The following MYF5 variants were observed in gnomAD, a reference collection of about 807,000 sequenced individuals.
The protein encoded by MYF5 is myogenic factor 5.
In MYF5, 20 loss-of-function variants were observed where a neutral mutation model predicts 22.3. That is an observed-to-expected ratio of 0.90 (90% CI 0.63 to 1.30). The LOEUF is 1.30. Among genes scored for constraint, MYF5 ranks in the 50% most tolerant of loss-of-function variants. MYF5 has a pLI of 0.00. For missense variants in MYF5, 348 were observed against 325.9 expected, an observed-to-expected ratio of 1.07 and a Z score of -0.52; for synonymous variants, 141 against 128.4, an observed-to-expected ratio of 1.10 and a Z score of -0.66.
Position 80,716,953 on chromosome 12 carries a change from G to A in MYF5, c.-111G>A. On this transcript the variant is annotated 5_prime_UTR_variant, in exon 1 of 3. Coordinates refer to ENST00000228644, the MANE Select transcript of MYF5 (RefSeq NM_005593.3). ...GTCTGCCCTTGTTAATTACCGGAGC[G>A]ACAGACTAGGGAGCTCCGCCCGGGA... The A allele has an allele frequency of 6.7e-6, 9 of 1,345,858 alleles. No individual in the cohort carries two copies. The highest frequency in any genetic ancestry group is 1.4e-5 in the South Asian group (1 of 70,324). The allele number at this position is 1,345,858 out of a possible 1,614,324, so 83.4% of individuals were successfully genotyped here. A position where few individuals can be genotyped will look rare whatever the true frequency, so the allele number is the denominator to read the frequency against.
Position 80,717,241 on chromosome 12 carries a change from G to A in MYF5, c.178G>A (p.Gly60Ser), listed in dbSNP as rs749526764. 1 of 1,614,060 alleles carries A rather than the reference G, an allele frequency of 6.2e-7. No homozygotes were observed. Among genetic ancestry groups the A allele is most frequent in the Non-Finnish European group, 8.5e-7 (1 of 1,180,008 alleles). Residue 60 changes from glycine to serine, a missense_variant, in exon 1 of 3, where the codon GGC becomes AGC. Coordinates refer to ENST00000228644, the MANE Select transcript of MYF5 (RefSeq NM_005593.3). ...GGACGAGCACGTGCGAGCGCCTACC[G>A]GCCACCACCAGGCTGGTCACTGCCT... ...DEDEHVRAPT[G>S]HHQAGHCLMW...
chr12:80,719,115 C>T lies in MYF5; in HGVS notation c.*64C>T, dbSNP rs747756383. 26 of 1,347,924 alleles carry T rather than the reference C, an allele frequency of 1.9e-5. No individual in the cohort carries two copies. The highest frequency in any genetic ancestry group is 2.9e-5 in the South Asian group (2 of 68,016). The allele number at this position is 1,347,924 out of a possible 1,614,324, so 83.5% of individuals were successfully genotyped here. On this transcript the variant is annotated 3_prime_UTR_variant, in exon 3 of 3. Transcript: ENST00000228644. ...CTAATACACAGGAAGAAGAAGGCTT[C>T]AAAAAGTCCCAAACCAAGACAACAT...
At chr12:80,718,652 C>T (rs1868667371) in intron 2 of MYF5, among the ~76,000 whole-genome samples, 1 of 152,098 alleles carries the variant, frequency 6.6e-6, no homozygotes. Context: ...CACAATGTTG[C>T]TTGAAATATT....
chr12:80,718,251 G>A, intron 1 of MYF5, 107 bp from the exon 2 acceptor site: 1 of 872,102 alleles, frequency 1.1e-6, no homozygotes, highest in Non-Finnish European at 2.0e-6. Context: ...GAAGGTGATT[G>A]ACAGTGTTCG....
intron 1 of MYF5, among the ~76,000 whole-genome samples, chr12:80,717,960 A>G (rs775058042): frequency 2.0e-5 from 3 of 152,174 alleles, no homozygotes; most frequent in Non-Finnish European, 4.4e-5. Flanking sequence ...TCCTGCTCCA[A>G]TGAGGCCTGG....
Position 80,717,241 on chromosome 12 carries a change from G to C in MYF5, c.178G>C (p.Gly60Arg), listed in dbSNP as rs749526764. The change falls in exon 1 of 3, where the codon GGC becomes CGC. Residue 60 changes from glycine to arginine, a missense_variant. Gly to Arg is a moderately radical substitution (Grantham distance 125, BLOSUM62 -2). Transcript: ENST00000228644. ...GGACGAGCACGTGCGAGCGCCTACC[G>C]GCCACCACCAGGCTGGTCACTGCCT... ...DEDEHVRAPT[G>R]HHQAGHCLMW... 2 of 1,614,060 alleles carry C rather than the reference G, an allele frequency of 1.2e-6. No individual in the cohort carries two copies. The highest frequency in any genetic ancestry group is 1.7e-6 in the Non-Finnish European group (2 of 1,180,008).
chr12:80,717,030 T>A lies in MYF5; in HGVS notation c.-34T>A, dbSNP rs1467133183. The stretch of plus-strand genomic sequence containing the variant: ...TCCCGTTTCTCCCCATCCCTCTCGC[T>A]GCCGTCCAGGTGCACCGCCTGCCTC... On this transcript the variant is annotated 5_prime_UTR_variant, in exon 1 of 3. Transcript: ENST00000228644. 6.4e-7 allele frequency: 1 copy of A among 1,565,940 alleles called. No homozygotes were observed. Among genetic ancestry groups the A allele is most frequent in the Non-Finnish European group, 8.6e-7 (1 of 1,156,728 alleles).
rs569508193 is a variant in MYF5 at position 80,718,952 on chromosome 12, TC to T, written c.670del (p.Leu224SerfsTer40). On this transcript the variant is annotated frameshift_variant, in exon 3 of 3. Coordinates refer to ENST00000228644, the MANE Select transcript of MYF5 (RefSeq NM_005593.3). LOFTEE classifies it high-confidence loss of function. ...ITSSEQPGLP[L>X]QDLASLSPVA... is the part of the protein sequence containing the mutation. ...CCTCCTCAGAGCAACCTGGGTTGCCTCTCCAGGATCTGGCTTCTCTCTCTCC... is the reference window on the plus strand; with the variant it reads ...CCTCCTCAGAGCAACCTGGGTTGCCTTCCAGGATCTGGCTTCTCTCTCTCC... The T allele has an allele frequency of 9.3e-6, 15 of 1,614,064 alleles. No homozygotes were observed. The East Asian group carries it at 2.5e-4, about 26-fold the overall frequency.
At position 80,719,550 on chromosome 12, in the gene MYF5, G is replaced by T. The variant is rs1868697381; in HGVS notation, c.*499G>T. Reference sequence around the variant, plus strand: ...TAATACTGCCTAATGTATATATTTTGATCTTTTCTTGTAAGAAATGTATCT... The same window carrying T: ...TAATACTGCCTAATGTATATATTTTTATCTTTTCTTGTAAGAAATGTATCT... On this transcript the variant is annotated 3_prime_UTR_variant, in exon 3 of 3. Coordinates refer to ENST00000228644, the MANE Select transcript of MYF5 (RefSeq NM_005593.3). 6.6e-6 allele frequency: 1 copy of T among 151,612 alleles called. No individual in the cohort carries two copies. The highest frequency in any genetic ancestry group is 6.6e-5 in the Admixed American group (1 of 15,216). The allele number at this position is 151,612 out of a possible 1,614,324, so 9.4% of individuals were successfully genotyped here.
At position 80,717,214 on chromosome 12, in the gene MYF5, G is replaced by A. The variant is rs768638027; in HGVS notation, c.151G>A (p.Glu51Lys). 3 of 1,614,070 alleles carry A rather than the reference G, an allele frequency of 1.9e-6. No homozygotes were observed. In the Admixed American group the frequency reaches 5.0e-5, roughly 27 times the overall value. Residue 51 changes from glutamate to lysine, a missense_variant, in exon 1 of 3, where the codon GAG (glutamate) becomes AAG (lysine). Physicochemically the swap from Glu to Lys is moderately conservative, Grantham distance 56. Coordinates refer to ENST00000228644, the MANE Select transcript of MYF5 (RefSeq NM_005593.3). ...CAAAGCAGAGCTGCAGGGCTCAGAT[G>A]AGGACGAGCACGTGCGAGCGCCTAC... ...AHKAELQGSD[E>K]DEHVRAPTGH... is the part of the protein sequence containing the mutation.
chr12:80,718,456 G>C (rs1367459165), intron 2 of MYF5, 23 bp downstream of exon 2: 1 of 1,565,778 alleles, frequency 6.4e-7, no homozygotes, highest in South Asian at 1.1e-5. Context: ...AACTTCACAG[G>C]AGTTTAAAGA....
At chr12:80,718,052 T>C (rs1172952237) in intron 1 of MYF5, among the ~76,000 whole-genome samples, 1 of 152,168 alleles carries the variant, frequency 6.6e-6, no homozygotes, top group African/African-American at 2.4e-5. Flanking sequence ...CCTGGGAAAG[T>C]GTTCTTTCCC....
rs1868669945 is a variant in MYF5, at chr12:80,718,711, A to T, written c.578-150A>T. On this transcript the variant is annotated intron_variant, in intron 2 of 2. Coordinates refer to ENST00000228644, the MANE Select transcript of MYF5 (RefSeq NM_005593.3). ...ACGTCTACCCCTCAGGAATTGCCAGATATTTGTTGCAAATTTCTATGTTAG... is the reference window on the plus strand; with the variant it reads ...ACGTCTACCCCTCAGGAATTGCCAGTTATTTGTTGCAAATTTCTATGTTAG... 4 of 703,764 alleles carry T rather than the reference A, an allele frequency of 5.7e-6. No individual in the cohort carries two copies. In the South Asian group the frequency reaches 7.5e-5, roughly 13 times the overall value. 43.6% of individuals were successfully genotyped at this position (703,764 alleles called of 1,614,324 possible).
Position 80,719,149 on chromosome 12 carries a change from A to G in MYF5, c.*98A>G. The G allele has an allele frequency of 1.0e-6, 1 of 996,794 alleles. No homozygotes were observed. The highest frequency in any genetic ancestry group is 1.6e-5 in the African/African-American group (1 of 61,090). 61.7% of individuals were successfully genotyped at this position (996,794 alleles called of 1,614,324 possible). A position where few individuals can be genotyped will look rare whatever the true frequency, so the allele number is the denominator to read the frequency against. ...CCAAACCAAGACAACATGTACATAA[A>G]GATTTCTTTTCAGTTGTAAATTTGT... On this transcript the variant is annotated 3_prime_UTR_variant, in exon 3 of 3. Coordinates refer to ENST00000228644, the MANE Select transcript of MYF5 (RefSeq NM_005593.3).
rs759135661 is a variant in MYF5, at chr12:80,718,855, C to A, written c.578-6C>A. 3 of 1,605,924 alleles carry A rather than the reference C, an allele frequency of 1.9e-6. No homozygotes were observed. In the South Asian group the frequency reaches 3.3e-5, roughly 18 times the overall value. The stretch of plus-strand genomic sequence containing the variant: ...TTTTTTAATGCTTTTCTCCTTGTAT[C>A]CTTAGTATATGCCACAGATAAAAAC... On this transcript the variant is annotated splice_polypyrimidine_tract_variant and splice_region_variant and intron_variant, in intron 2 of 2. Transcript: ENST00000228644.
rs376494909 is a variant in MYF5 at position 80,717,159 on chromosome 12, T to A, written c.96T>A (p.Phe32Leu). The change falls in exon 1 of 3, where the codon TTT (phenylalanine) becomes TTA (leucine). Residue 32 changes from phenylalanine (F) to leucine (L), a missense_variant. Coordinates refer to ENST00000228644, the MANE Select transcript of MYF5 (RefSeq NM_005593.3). ...CCGAGGGTGAATTTGGGGACGAGTT[T>A]GTGCCGCGAGTGGCTGCCTTCGGAG... ...PSPEGEFGDE[F>L]VPRVAAFGAH... 6.2e-7 allele frequency: 1 copy of A among 1,614,034 alleles called. No homozygotes were observed. The highest frequency in any genetic ancestry group is 8.5e-7 in the Non-Finnish European group (1 of 1,180,024).
chr12:80,717,186 G>T lies in MYF5; in HGVS notation c.123G>T (p.Ala41=), dbSNP rs1308803579. 2.5e-6 allele frequency: 4 copies of T among 1,613,906 alleles called. No homozygotes were observed. The highest frequency in any genetic ancestry group is 3.4e-6 in the Non-Finnish European group (4 of 1,179,988). ...TGCCGCGAGTGGCTGCCTTCGGAGCGCACAAAGCAGAGCTGCAGGGCTCAG... is the reference window on the plus strand; with the variant it reads ...TGCCGCGAGTGGCTGCCTTCGGAGCTCACAAAGCAGAGCTGCAGGGCTCAG... ...EFVPRVAAFG[A]HKAELQGSDE... Residue 41 remains alanine (A), a synonymous_variant, in exon 1 of 3, where the codon GCG becomes GCT. Coordinates refer to ENST00000228644, the MANE Select transcript of MYF5 (RefSeq NM_005593.3).
rs140017164 is a variant in MYF5, at chr12:80,717,565, G to C, written c.501+1G>C. The C allele has an allele frequency of 3.7e-6, 6 of 1,613,092 alleles. No homozygotes were observed. The African/African-American group carries it at 5.3e-5, about 14-fold the overall frequency. On this transcript the variant is annotated splice_donor_variant, in intron 1 of 2. Coordinates refer to ENST00000228644, the MANE Select transcript of MYF5 (RefSeq NM_005593.3). LOFTEE classifies it high-confidence loss of function. Reference sequence around the variant, plus strand: ...CACCTCCAACTGCTCTGATGGCATGGTAAGCAATAGATCTGGTACCTGCTA... The same window carrying C: ...CACCTCCAACTGCTCTGATGGCATGCTAAGCAATAGATCTGGTACCTGCTA...
At position 80,719,240 on chromosome 12, in the gene MYF5, T is replaced by G; in HGVS notation, c.*189T>G. The G allele has an allele frequency of 2.0e-6, 1 of 493,832 alleles. No homozygotes were observed. The highest frequency in any genetic ancestry group is 3.2e-5 in the South Asian group (1 of 31,496). The allele number at this position is 493,832 out of a possible 1,614,324, so 30.6% of individuals were successfully genotyped here. ...AAAAAGTCATCATTGCAAATAATAC[T>G]TTCTTCTTCTTTATTATTCTTTGCT... On this transcript the variant is annotated 3_prime_UTR_variant, in exon 3 of 3. Coordinates refer to ENST00000228644, the MANE Select transcript of MYF5 (RefSeq NM_005593.3).
Sources: allele counts gnomAD v4.1 joint callset (sites outside exome capture counted in the v4.1 genomes callset), GRCh38; gene constraint gnomAD v4.1.1; transcripts MANE v1.5; gene names NCBI Gene and HGNC (gene_info 2026-07-23, HGNC 2026-07-21).